Variants in PARVG observed in about 807,000 individuals in gnomAD.
PARVG encodes gamma-parvin.
In PARVG, 36 loss-of-function variants were observed where a neutral mutation model predicts 44.4. The ratio of observed to expected loss-of-function variants is 0.81; its 90% CI spans 0.62 to 1.07. The LOEUF is 1.07. PARVG is among the 50% of genes least tolerant of loss of function. The pLI is 0.00. For synonymous variants in PARVG, 170 were observed against 174.1 expected (o/e 0.98, Z 0.19); for missense variants, 407 against 407.4 (o/e 1.00, Z 0.01).
Position 44,183,271 on chromosome 22 carries a change from T to G in PARVG, c.-12-47T>G, listed in dbSNP as rs770841760. 1.3e-4 allele frequency: 193 copies of G among 1,530,584 alleles called. 3 individuals carry two copies. The Admixed American group carries it at 4.0e-3, about 32-fold the overall frequency. 94.8% of individuals were successfully genotyped at this position (1,530,584 alleles called of 1,614,324 possible). ...AGAGAAAATGAGGGGCTCAGTGAGT[T>G]TGGGGCTTCTCAGACCGTGACGCCC... On this transcript the variant is annotated intron_variant, in intron 2 of 13. Coordinates refer to ENST00000444313, the MANE Select transcript of PARVG (RefSeq NM_022141.7).
chr22:44,201,253 C>T (rs1047839496), intron 12 of PARVG, among the ~76,000 whole-genome samples: 2 of 152,182 alleles, frequency 1.3e-5, no homozygotes, highest in African/African-American at 4.8e-5. Flanking sequence ...CTGCACTTTG[C>T]CTCTCCTGGC....
upstream of PARVG, among the ~76,000 whole-genome samples, chr22:44,177,235 T>C (rs995342621): frequency 6.6e-6 from 1 of 152,242 alleles, no homozygotes; most frequent in Non-Finnish European, 1.5e-5. Context: ...GTGATATATA[T>C]ATTTTCTGAA....
chr22:44,205,732 A>T (rs370237675), intron 12 of PARVG, 25 bp from the exon 13 acceptor site: 233 of 1,613,122 alleles, frequency 1.4e-4, no homozygotes, highest in Middle Eastern at 8.3e-4. Context: ...TTGTGCCCAC[A>T]TCTGATAGGG....
In PARVG at chr22:44,198,632, G is replaced by A; in HGVS notation, c.723G>A (p.Gly241=). 3 of 1,613,156 alleles carry A rather than the reference G, an allele frequency of 1.9e-6. No individual in the cohort carries two copies. Among genetic ancestry groups the A allele is most frequent in the Non-Finnish European group, 2.5e-6 (3 of 1,179,206 alleles). The part of the protein sequence containing the change: ...VQNLDTQFAD[G]VILLLLIGQL... ...TCCTTCCTTTGTAGTTTGCAGATGG[G>A]GTCATCTTACTCTTGCTGATTGGAC... is the stretch of plus-strand genomic sequence containing the variant. Residue 241 remains glycine (G), a synonymous_variant, in exon 12 of 14, where the codon GGG becomes GGA. Transcript: ENST00000444313.
chr22:44,188,898 C>A, intron 5 of PARVG: 1 of 604,320 alleles, frequency 1.7e-6, no homozygotes, highest in Non-Finnish European at 2.9e-6. Flanking sequence ...CCTGCATGGC[C>A]CACCAATCCT....
At chr22:44,200,292 A>G (rs2054689126) in intron 12 of PARVG, among the ~76,000 whole-genome samples, 1 of 152,178 alleles carries the variant, frequency 6.6e-6, no homozygotes, top group African/African-American at 2.4e-5. Context: ...ACCCCGGGTC[A>G]CTGCCAGGCA....
chr22:44,205,662 A>G, intron 12 of PARVG, 95 bp from the exon 13 acceptor site: 1 of 1,452,310 alleles, frequency 6.9e-7, no homozygotes, highest in Non-Finnish European at 9.5e-7. Flanking sequence ...CATGATGGAC[A>G]TCACAGACAA....
At chr22:44,187,939 C>T in intron 5 of PARVG, 61 bp downstream of exon 5, 2 of 1,522,190 alleles carry the variant, frequency 1.3e-6, no homozygotes, top group South Asian at 2.3e-5. Flanking sequence ...CTGGCCCCTC[C>T]AGGGCCCACA....
At chr22:44,188,134 CCTCT>C in intron 5 of PARVG, 1 of 552,410 alleles carries the variant, frequency 1.8e-6, no homozygotes. Flanking sequence ...CACCACACTG[CCTCT>C]CTAACACTTA....
chr22:44,174,449 G>A (rs2054299624), intron 1 of PARVG, among the ~76,000 whole-genome samples: 1 of 152,124 alleles, frequency 6.6e-6, no homozygotes, highest in Non-Finnish European at 1.5e-5. Context: ...GCTCATGCCT[G>A]TAATCCCAGC....
At chr22:44,200,495 C>T (rs1436087614) in intron 12 of PARVG, among the ~76,000 whole-genome samples, 1 of 152,218 alleles carries the variant, frequency 6.6e-6, no homozygotes, top group Non-Finnish European at 1.5e-5. Context: ...GCTTGCCTCT[C>T]ACAGGAGGTG....
In PARVG at chr22:44,196,216, A is replaced by G. The variant is rs1224619053; in HGVS notation, c.642+3A>G. On this transcript the variant is annotated splice_donor_region_variant and intron_variant, in intron 10 of 13. Coordinates refer to ENST00000444313, the MANE Select transcript of PARVG (RefSeq NM_022141.7). The stretch of plus-strand genomic sequence containing the variant: ...AGAAAGTGAACGCAGTGAAAGAGGT[A>G]GGAGAGATCAAAGCTCTCAGCGGCT... 1 of 1,614,090 alleles carries G rather than the reference A, an allele frequency of 6.2e-7. No individual in the cohort carries two copies. The highest frequency in any genetic ancestry group is 8.5e-7 in the Non-Finnish European group (1 of 1,180,016).
At chr22:44,188,902 C>G in intron 5 of PARVG, 1 of 613,218 alleles carries the variant, frequency 1.6e-6, no homozygotes, top group Non-Finnish European at 2.8e-6. Context: ...CATGGCCCAC[C>G]AATCCTGTTC....
intron 3 of PARVG, chr22:44,184,867 C>G (rs1373911712): frequency 6.6e-6 from 1 of 152,114 alleles, no homozygotes; most frequent in South Asian, 2.1e-4. Flanking sequence ...ACAAAACAAA[C>G]AAAAAAACCC....
chr22:44,186,735 C>T, intron 4 of PARVG: 2 of 455,418 alleles, frequency 4.4e-6, no homozygotes, highest in South Asian at 1.6e-5. Context: ...GGGAGGTTAT[C>T]CCAGGGGTCA....
At chr22:44,202,371 G>A (rs1038125965) in intron 12 of PARVG, among the ~76,000 whole-genome samples, 3 of 152,208 alleles carry the variant, frequency 2.0e-5, no homozygotes, top group Non-Finnish European at 4.4e-5. Context: ...CGGGCTGAGG[G>A]CCTGGGGCTC....
chr22:44,185,775 C>T (rs369379500), intron 3 of PARVG, 33 bp from the exon 4 acceptor site: 4 of 1,592,692 alleles, frequency 2.5e-6, no homozygotes, highest in African/African-American at 2.7e-5. Context: ...CCACAGGGTC[C>T]CCATGCGCTT....
At chr22:44,202,332 C>T (rs772869452) in intron 12 of PARVG, among the ~76,000 whole-genome samples, 2 of 152,124 alleles carry the variant, frequency 1.3e-5, no homozygotes, top group African/African-American at 4.8e-5. Context: ...GGAGAGAAGG[C>T]GGAGGAAGGG....
Position 44,206,412 on chromosome 22 carries a change from G to A in PARVG, c.982G>A (p.Gly328Arg), listed in dbSNP as rs754198891. ...QKAHRDRTPH[G>R]APN is the part of the protein sequence containing the mutation. ...GGCACACAGGGACAGGACGCCCCATGGAGCCCCGAATTGACCCTCACTGCC... is the reference window on the plus strand; with the variant it reads ...GGCACACAGGGACAGGACGCCCCATAGAGCCCCGAATTGACCCTCACTGCC... The change falls in exon 14 of 14, where the codon GGA becomes AGA. Residue 328 changes from glycine to arginine, a missense_variant. Coordinates refer to ENST00000444313, the MANE Select transcript of PARVG (RefSeq NM_022141.7). 4 of 1,613,852 alleles carry A rather than the reference G, an allele frequency of 2.5e-6. No individual in the cohort carries two copies. The African/African-American group carries it at 5.3e-5, about 22-fold the overall frequency.
Sources: allele counts gnomAD v4.1 joint callset (sites outside exome capture counted in the v4.1 genomes callset), GRCh38; gene constraint gnomAD v4.1.1; transcripts MANE v1.5; gene names NCBI Gene and HGNC (gene_info 2026-07-23, HGNC 2026-07-21).